COL3A1: variants seen among roughly 807,000 people sequenced by gnomAD.
The protein encoded by COL3A1 is collagen type III alpha 1 chain, also known as collagen alpha-1(III) chain.
In COL3A1, 46 loss-of-function variants were observed where a neutral mutation model predicts 200.9. The ratio of observed to expected loss-of-function variants is 0.23; its 90% CI spans 0.18 to 0.29. The LOEUF (loss-of-function observed/expected upper bound fraction) is 0.29. Ranked by LOEUF, COL3A1 falls within the 10% of genes least tolerant of loss-of-function variation. The pLI is 1.00. For missense variants in COL3A1, 1,367 were observed against 1,917.6 expected (o/e 0.71, Z 5.36); for synonymous variants, 650 against 628.0 (o/e 1.03, Z -0.52).
intron 14 of COL3A1, 111 bp downstream of exon 14, chr2:188,992,339 G>A: frequency 7.6e-6 from 7 of 921,794 alleles, no homozygotes; most frequent in African/African-American, 3.4e-5. Context: ...ATATGCATAT[G>A]TATATCTCTA....
At chr2:189,007,985 T>C in intron 46 of COL3A1, 47 bp downstream of exon 46, 1 of 1,613,928 alleles carries the variant, frequency 6.2e-7, no homozygotes, top group East Asian at 2.2e-5. Flanking sequence ...TTCAGATGTC[T>C]GCATTTCAGA....
At position 189,008,005 on chromosome 2, in the gene COL3A1, TG is replaced by T. The variant is rs775102229; in HGVS notation, c.3418-28del. 6.2e-6 allele frequency: 10 copies of T among 1,613,836 alleles called. No homozygotes were observed. In the African/African-American group the frequency reaches 8.0e-5, roughly 13 times the overall value. On this transcript the variant is annotated intron_variant, in intron 46 of 50. Coordinates refer to ENST00000304636, the MANE Select transcript of COL3A1 (RefSeq NM_000090.4). ...ATGTCTGCATTTCAGAAAGATATTC[TG>T]GCATTGTGATGTCATGATACTTTCT...
intron 7 of COL3A1, among the ~76,000 whole-genome samples, chr2:188,989,169 G>T (rs1020817126): frequency 3.0e-5 from 4 of 132,218 alleles, no homozygotes; most frequent in Non-Finnish European, 6.1e-5. Context: ...AAATGCATTT[G>T]GATTTATAAA....
chr2:188,996,509 A>G lies in COL3A1; in HGVS notation c.1761+13A>G, dbSNP rs1197788760. On this transcript the variant is annotated intron_variant, in intron 24 of 50. Transcript: ENST00000304636. Reference sequence around the variant, plus strand: ...TAAAGGAAATGATGTGAGTTCCTTCATTAATTTCTTCAATAAATATTTGAC... The same window carrying G: ...TAAAGGAAATGATGTGAGTTCCTTCGTTAATTTCTTCAATAAATATTTGAC... 5 of 1,605,908 alleles carry G rather than the reference A, an allele frequency of 3.1e-6. No homozygotes were observed. The East Asian group carries it at 6.7e-5, about 22-fold the overall frequency.
intron 36 of COL3A1, 25 bp downstream of exon 36, chr2:189,003,087 C>G: frequency 6.9e-7 from 1 of 1,458,994 alleles, no homozygotes; most frequent in Non-Finnish European, 9.4e-7. Flanking sequence ...CTTTCTCTGT[C>G]TATCTATCTA....
Position 188,997,677 on chromosome 2 carries a change from A to G in COL3A1, c.1870-23A>G, listed in dbSNP as rs1229661894. On this transcript the variant is annotated intron_variant, in intron 26 of 50. Transcript: ENST00000304636. ...AAATATAAAAGGATGTTTACAACAGAGTGTATCATTATACTTTTCTAGGGG... is the reference window on the plus strand; with the variant it reads ...AAATATAAAAGGATGTTTACAACAGGGTGTATCATTATACTTTTCTAGGGG... The G allele has an allele frequency of 2.5e-6, 4 of 1,606,730 alleles. No individual in the cohort carries two copies. The African/African-American group carries it at 5.3e-5, about 21-fold the overall frequency.
intron 48 of COL3A1, 37 bp from the exon 49 acceptor site, chr2:189,010,141 T>A: frequency 6.2e-7 from 1 of 1,606,278 alleles, no homozygotes. Context: ...TTACTGGATT[T>A]TATAACCAAT....
chr2:188,990,076 T>A lies in COL3A1; in HGVS notation c.691-20T>A. ...TTTCTCATACATGAGCACCTACGTA[T>A]TCTTTATTTCTCTACCTAGGGAGAA... On this transcript the variant is annotated intron_variant, in intron 8 of 50. Transcript: ENST00000304636. 6.2e-7 allele frequency: 1 copy of A among 1,611,404 alleles called. No homozygotes were observed. Among genetic ancestry groups the A allele is most frequent in the Non-Finnish European group, 8.5e-7 (1 of 1,177,630 alleles).
chr2:188,985,519 G>A, intron 3 of COL3A1, 146 bp from the exon 4 acceptor site: 1 of 668,064 alleles, frequency 1.5e-6, no homozygotes, highest in Non-Finnish European at 2.6e-6. Flanking sequence ...TTATTCACAA[G>A]ATTTTGATTA....
In COL3A1 at chr2:189,001,569, G is replaced by T. The variant is rs1438663630; in HGVS notation, c.2371G>T (p.Ala791Ser). Residue 791 changes from alanine to serine, a missense_variant, in exon 34 of 51, where the codon GCT (alanine) becomes TCT (serine). Transcript: ENST00000304636. Reference protein sequence around the residue: ...EGGAPGLPGIAGPRGSPGERG... With the variant: ...EGGAPGLPGISGPRGSPGERG... Reference sequence around the variant, plus strand: ...TGGTGCCCCCGGACTTCCAGGTATAGCTGGACCTCGTGGTAGCCCTGTAAG... The same window carrying T: ...TGGTGCCCCCGGACTTCCAGGTATATCTGGACCTCGTGGTAGCCCTGTAAG... 1.9e-6 allele frequency: 3 copies of T among 1,614,030 alleles called. No homozygotes were observed. The highest frequency in any genetic ancestry group is 2.5e-6 in the Non-Finnish European group (3 of 1,179,986).
intron 48 of COL3A1, among the ~76,000 whole-genome samples, chr2:189,009,539 A>G (rs1688673484): frequency 2.6e-5 from 4 of 152,206 alleles, no homozygotes; most frequent in Admixed American, 2.6e-4. Flanking sequence ...GATGCAGACA[A>G]TTATAATCTG....
At position 188,991,117 on chromosome 2, in the gene COL3A1, A is replaced by G. The variant is rs41272823; in HGVS notation, c.852+60A>G. On this transcript the variant is annotated intron_variant, in intron 11 of 50. Transcript: ENST00000304636. Reference sequence around the variant, plus strand: ...AATTCATTAAATATTAAAGCTACATATAAGATTCATATTGTGAGCCTTAAC... The same window carrying G: ...AATTCATTAAATATTAAAGCTACATGTAAGATTCATATTGTGAGCCTTAAC... 957 of 1,521,722 alleles carry G rather than the reference A, an allele frequency of 6.3e-4. 7 individuals carry two copies. Among genetic ancestry groups the G allele is most frequent in the South Asian group, 5.2e-3 (456 of 87,932 alleles). The allele number at this position is 1,521,722 out of a possible 1,614,324, so 94.3% of individuals were successfully genotyped here. A position where few individuals can be genotyped will look rare whatever the true frequency, so the allele number is the denominator to read the frequency against.
At chr2:188,998,152 A>G (rs1327068947) in intron 27 of COL3A1, 114 bp from the exon 28 acceptor site, 7 of 952,818 alleles carry the variant, frequency 7.3e-6, no homozygotes, top group Non-Finnish European at 1.2e-5. Context: ...TTCTACCCCT[A>G]CAAGACCACT....
chr2:188,992,089 A>G, intron 13 of COL3A1, 95 bp from the exon 14 acceptor site: 2 of 1,191,304 alleles, frequency 1.7e-6, no homozygotes, highest in Non-Finnish European at 2.5e-6. Flanking sequence ...CTTGAAGAAA[A>G]CTCAACTCAC....
chr2:188,988,633 C>T lies in COL3A1; in HGVS notation c.626C>T (p.Ala209Val). 6.2e-7 allele frequency: 1 copy of T among 1,605,642 alleles called. No individual in the cohort carries two copies. Among genetic ancestry groups the T allele is most frequent in the Non-Finnish European group, 8.5e-7 (1 of 1,173,056 alleles). Residue 209 changes from alanine to valine, a missense_variant, in exon 7 of 51, where the codon GCT (alanine) becomes GTT (valine). Physicochemically the swap from Ala to Val is moderately conservative, Grantham distance 64 (BLOSUM62 0). Coordinates refer to ENST00000304636, the MANE Select transcript of COL3A1 (RefSeq NM_000090.4). ...YQGPPGEPGQ[A>V]GPSGPPGPPG... is the part of the protein sequence containing the mutation. ...GGACCCCCTGGTGAACCTGGGCAAG[C>T]TGGTCCTTCAGTAAGTAACAATTAA...
chr2:189,006,506 C>G, intron 43 of COL3A1, 54 bp downstream of exon 43: 1 of 1,542,254 alleles, frequency 6.5e-7, no homozygotes. Flanking sequence ...TCAATAAAGA[C>G]ATTTGTAGGT....
At chr2:188,995,581 G>C (rs1018899467) in intron 21 of COL3A1, 111 bp from the exon 22 acceptor site, 2 of 729,418 alleles carry the variant, frequency 2.7e-6, no homozygotes, top group Admixed American at 2.6e-5. Flanking sequence ...AGCAACACAC[G>C]AACCCTTTTT....
chr2:188,990,904 T>C (rs777459591), intron 10 of COL3A1, 100 bp from the exon 11 acceptor site: 115 of 1,147,930 alleles, frequency 1.0e-4, no homozygotes, highest in Non-Finnish European at 1.5e-4. Context: ...TTGCAAGTAG[T>C]GTTATGAAGA....
intron 48 of COL3A1, among the ~76,000 whole-genome samples, 176 bp from the exon 49 acceptor site, chr2:189,010,002 T>C (rs538249547): frequency 6.6e-6 from 1 of 152,348 alleles, no homozygotes; most frequent in East Asian, 1.9e-4. Flanking sequence ...CTTTCTGTAG[T>C]CATAGCTAAC....
Sources: gnomAD v4.1 joint callset for allele counts (sites outside exome capture counted in the v4.1 genomes callset) on GRCh38, gnomAD v4.1.1 for gene constraint, MANE v1.5 for transcripts, NCBI Gene and HGNC (gene_info 2026-07-23, HGNC 2026-07-21) for gene names.